Variants in TRERF1 observed in about 807,000 individuals in gnomAD.
TRERF1 encodes the protein transcriptional-regulating factor 1.
Under a neutral mutation model 122.9 loss-of-function variants are expected in TRERF1, and 27 were observed. The observed-to-expected ratio is 0.22, with a 90% CI of 0.16 to 0.30. The LOEUF is 0.30. Ranked by LOEUF, TRERF1 falls within the 10% of genes least tolerant of loss-of-function variation. The probability of loss-of-function intolerance (pLI) is 1.00; values close to 1 mark genes in which losing one functional copy is unlikely to be tolerated. For synonymous variants in TRERF1, 636 were observed against 641.7 expected (o/e 0.99, Z 0.13); for missense variants, 1,248 against 1,560.3 (o/e 0.80, Z 3.37).
In TRERF1 at chr6:42,411,904, G is replaced by A. The variant is rs973128682; in HGVS notation, c.-454+39273C>T. 2.6e-5 allele frequency among the ~76,000 whole-genome samples: 4 copies of A among 152,180 alleles called. No homozygotes were observed. In the South Asian group the frequency reaches 8.3e-4, roughly 32 times the overall value. On this transcript the variant is annotated intron_variant, in intron 2 of 17. Coordinates refer to ENST00000372922, the Ensembl canonical transcript of TRERF1. ...TTCTTATCTGTAAATGAACACGGCT[G>A]GACCAGATGGCTTCTGCAGACACCG... is the stretch of plus-strand genomic sequence containing the variant.
At chr6:42,241,120 G>C (rs998622528) in intron 15 of TRERF1, among the ~76,000 whole-genome samples, 1 of 151,972 alleles carries the variant, frequency 6.6e-6, no homozygotes, top group Non-Finnish European at 1.5e-5. Context: ...TCCTGACCTC[G>C]TGATCCACCT....
chr6:42,360,877 A>C, intron 3 of TRERF1, among the ~76,000 whole-genome samples: 1 of 150,404 alleles, frequency 6.6e-6, no homozygotes, highest in East Asian at 2.0e-4. Flanking sequence ...TGCACATGGC[A>C]GGTACATGAG....
intron 13 of TRERF1, among the ~76,000 whole-genome samples, chr6:42,248,280 C>T (rs73733126): frequency 0.021 from 3,187 of 152,304 alleles, 127 homozygotes; most frequent in African/African-American, 0.071. Flanking sequence ...AATATGCTCT[C>T]CACAGCTGGG....
chr6:42,375,065 G>A (rs545819063), intron 2 of TRERF1, among the ~76,000 whole-genome samples: 39 of 151,066 alleles, frequency 2.6e-4, no homozygotes, highest in African/African-American at 4.4e-4. Context: ...GTAATTATAC[G>A]GGAAATTAAC....
At position 42,412,656 on chromosome 6, in the gene TRERF1, G is replaced by A. The variant is rs148516629; in HGVS notation, c.-454+38521C>T. Among the ~76,000 whole-genome samples the A allele has an allele frequency of 7.0e-4, 107 of 152,302 alleles. 1 individual carries two copies. In the East Asian group the frequency reaches 0.019, roughly 27 times the overall value. On this transcript the variant is annotated intron_variant, in intron 2 of 17. Coordinates refer to ENST00000372922, the Ensembl canonical transcript of TRERF1. Reference sequence around the variant, plus strand: ...AGTCAGCTCAGTGGTGGGGCATGACGGCTCATGCCTGTAATCCCAGAACTT... The same window carrying A: ...AGTCAGCTCAGTGGTGGGGCATGACAGCTCATGCCTGTAATCCCAGAACTT...
intron 2 of TRERF1, among the ~76,000 whole-genome samples, chr6:42,442,043 T>TA (rs1405811828): frequency 2.0e-5 from 3 of 152,146 alleles, no homozygotes; most frequent in Non-Finnish European, 4.4e-5. Context: ...TGTCCTTACT[T>TA]ACTGTGGCTC....
chr6:42,288,994 T>TGTGTGTGTGTGA (rs772469518), intron 4 of TRERF1, among the ~76,000 whole-genome samples: 13 of 141,726 alleles, frequency 9.2e-5, no homozygotes, highest in African/African-American at 2.4e-4. Context: ...TGTGTGTGTG[T>TGTGTGTGTGTGA]CAAAGCACAT....
At chr6:42,409,243 C>A (rs1282874128) in intron 2 of TRERF1, among the ~76,000 whole-genome samples, 3 of 151,986 alleles carry the variant, frequency 2.0e-5, no homozygotes, top group African/African-American at 4.8e-5. Context: ...CACGCCACTG[C>A]ACTCCAGCCT....
chr6:42,258,117 T>C lies in TRERF1; in HGVS notation c.2336+18A>G. The stretch of plus-strand genomic sequence containing the variant: ...AAGCTGAGGCTTCTGTTCTAAAGAG[T>C]AATTGACTTTTCCTTACGGTTCAAC... On this transcript the variant is annotated intron_variant, in intron 10 of 17. Transcript: ENST00000372922. The C allele has an allele frequency of 1.2e-6, 2 of 1,610,076 alleles. No individual in the cohort carries two copies. The highest frequency in any genetic ancestry group is 1.7e-6 in the Non-Finnish European group (2 of 1,176,556).
intron 2 of TRERF1, among the ~76,000 whole-genome samples, chr6:42,408,257 A>C (rs200165195): frequency 1.1e-5 from 1 of 87,606 alleles, no homozygotes; most frequent in Non-Finnish European, 2.2e-5. Flanking sequence ...ATACATACAC[A>C]TGTGTGTGTA....
chr6:42,405,272 C>T (rs1779996016), intron 2 of TRERF1, among the ~76,000 whole-genome samples: 1 of 152,166 alleles, frequency 6.6e-6, no homozygotes, highest in African/African-American at 2.4e-5. Flanking sequence ...TTGGTTCACA[C>T]AGCCTTAAGA....
intron 2 of TRERF1, among the ~76,000 whole-genome samples, chr6:42,380,718 A>G (rs1775771432): frequency 6.6e-6 from 1 of 152,162 alleles, no homozygotes; most frequent in Non-Finnish European, 1.5e-5. Flanking sequence ...CTAGGGAAAA[A>G]GGTCCAACCC....
At chr6:42,246,830 G>A (rs1344661155) in intron 13 of TRERF1, among the ~76,000 whole-genome samples, 4 of 152,204 alleles carry the variant, frequency 2.6e-5, no homozygotes, top group African/African-American at 4.8e-5. Flanking sequence ...GGATTTTTGT[G>A]AAGGTTAAAG....
chr6:42,268,230 A>G lies in TRERF1; in HGVS notation c.1361T>C (p.Leu454Pro), dbSNP rs538024034. 2.7e-5 allele frequency: 40 copies of G among 1,492,566 alleles called. No homozygotes were observed. In the Admixed American group the frequency reaches 4.1e-4, roughly 15 times the overall value. The allele number at this position is 1,492,566 out of a possible 1,614,324, so 92.5% of individuals were successfully genotyped here. The change falls in exon 5 of 18, where the codon CTA becomes CCA. Residue 454 changes from leucine to proline, a missense_variant. Coordinates refer to ENST00000372922, the Ensembl canonical transcript of TRERF1. This position sits in a 1 kb window ranked among gnomAD's most constrained non-coding sequence, Gnocchi z 4.4. Reference sequence around the variant, plus strand: ...GTTGAGGTGGATCCCACTGGGGGATAGGAGGGGGCGATGGGGGAGGGTGCT... The same window carrying G: ...GTTGAGGTGGATCCCACTGGGGGATGGGAGGGGGCGATGGGGGAGGGTGCT...
At chr6:42,411,591 C>T (rs1411840274) in intron 2 of TRERF1, among the ~76,000 whole-genome samples, 1 of 152,194 alleles carries the variant, frequency 6.6e-6, no homozygotes, top group Non-Finnish European at 1.5e-5. Flanking sequence ...GAATCCTAGC[C>T]AGAAGGGATC....
intron 2 of TRERF1, among the ~76,000 whole-genome samples, chr6:42,422,869 C>T (rs1201613474): frequency 3.3e-5 from 5 of 150,304 alleles, no homozygotes; most frequent in Admixed American, 6.6e-5. Context: ...GATGGAGTTT[C>T]GCTCTTGTTG....
Position 42,269,573 on chromosome 6 carries a change from C to G in TRERF1, c.18G>C (p.Leu6=), listed in dbSNP as rs1337020240. Residue 6 remains leucine, a synonymous_variant, in exon 5 of 18, where the codon CTG becomes CTC. Transcript: ENST00000372922. The surrounding 1 kb of genome is among the most constrained non-coding windows in gnomAD (Gnocchi z 4.9). ...CATGGGCCACATGGTTGGTCTTGTA[C>G]AGTTGCTGGTCACCCATGCTGTCTG... 1.2e-6 allele frequency: 2 copies of G among 1,613,964 alleles called. No homozygotes were observed. The highest frequency in any genetic ancestry group is 1.7e-6 in the Non-Finnish European group (2 of 1,179,886).
At chr6:42,417,339 A>G (rs1781985811) in intron 2 of TRERF1, among the ~76,000 whole-genome samples, 1 of 34,298 alleles carries the variant, frequency 2.9e-5, no homozygotes, top group African/African-American at 8.3e-5. Context: ...ACCCCACTCC[A>G]CTCACTCCAA....
chr6:42,387,601 G>A (rs770659344), intron 2 of TRERF1, among the ~76,000 whole-genome samples: 3 of 152,300 alleles, frequency 2.0e-5, no homozygotes, highest in South Asian at 2.1e-4. Flanking sequence ...AAATGCACTC[G>A]CTCTGTTCAT....
Sources: gnomAD v4.1 joint callset for allele counts (sites outside exome capture counted in the v4.1 genomes callset) on GRCh38, gnomAD v4.1.1 for gene constraint, Gnocchi (gnomAD v3.1) non-coding constraint, MANE v1.5 for transcripts, NCBI Gene and HGNC (gene_info 2026-07-23, HGNC 2026-07-21) for gene names.